TSPAN9: variants seen among roughly 807,000 people sequenced by gnomAD.
TSPAN9 encodes the protein tetraspanin-9.
Under a neutral mutation model 31.0 loss-of-function variants are expected in TSPAN9, and 16 were observed. The ratio of observed to expected loss-of-function variants is 0.52; its 90% confidence interval spans 0.35 to 0.78. The LOEUF (loss-of-function observed/expected upper bound fraction) is 0.78. Among genes scored for constraint, TSPAN9 ranks in the 30% least tolerant of loss-of-function variants. The pLI, the probability that TSPAN9 is intolerant of heterozygous loss-of-function variation, is 0.01. For synonymous variants in TSPAN9, 145 were observed against 121.6 expected (o/e 1.19, Z -1.27); for missense variants, 272 against 312.5 (o/e 0.87, Z 0.98).
At chr12:3,203,050 T>G (rs2098372852) in intron 3 of TSPAN9, among the ~76,000 whole-genome samples, 1 of 152,190 alleles carries the variant, frequency 6.6e-6, no homozygotes, top group Non-Finnish European at 1.5e-5. Context: ...TAGTCTCAAC[T>G]TACCTTTTTG....
At chr12:3,205,156 C>CT (rs1353600713) in intron 3 of TSPAN9, among the ~76,000 whole-genome samples, 2 of 152,194 alleles carry the variant, frequency 1.3e-5, no homozygotes, top group Non-Finnish European at 2.9e-5. Flanking sequence ...GTAATTGCTA[C>CT]TTAGGATAAT....
intron 3 of TSPAN9, among the ~76,000 whole-genome samples, chr12:3,261,864 C>T (rs867532607): frequency 5.9e-5 from 9 of 152,200 alleles, no homozygotes; most frequent in African/African-American, 1.9e-4. Flanking sequence ...GGGCACCTGA[C>T]GCAGCCTTGC....
At chr12:3,228,971 C>T (rs1298814751) in intron 3 of TSPAN9, among the ~76,000 whole-genome samples, 2 of 152,192 alleles carry the variant, frequency 1.3e-5, no homozygotes, top group Non-Finnish European at 1.5e-5. Flanking sequence ...CCTCTGTATA[C>T]CTCCCTTTGC....
At chr12:3,245,256 C>G (rs1862099251) in intron 3 of TSPAN9, among the ~76,000 whole-genome samples, 1 of 152,216 alleles carries the variant, frequency 6.6e-6, no homozygotes, top group African/African-American at 2.4e-5. Context: ...GTGGAGCAGC[C>G]CTGGAAGGTG....
chr12:3,174,395 A>C (rs1222821666), intron 2 of TSPAN9, among the ~76,000 whole-genome samples: 1 of 152,122 alleles, frequency 6.6e-6, no homozygotes, highest in Non-Finnish European at 1.5e-5. Context: ...GAGAGTTTAC[A>C]GCTGATGATT....
intron 2 of TSPAN9, among the ~76,000 whole-genome samples, chr12:3,137,601 A>G (rs1173454935): frequency 2.0e-5 from 3 of 152,030 alleles, no homozygotes; most frequent in Non-Finnish European, 2.9e-5. Flanking sequence ...CAGATGGAGG[A>G]GGGCTCTATC....
chr12:3,184,185 T>C (rs1426419875), intron 2 of TSPAN9, among the ~76,000 whole-genome samples: 1 of 151,580 alleles, frequency 6.6e-6, no homozygotes. Flanking sequence ...AGTTCAGGAG[T>C]TCAGGAGTTT....
chr12:3,207,738 T>A (rs1480209099), intron 3 of TSPAN9, among the ~76,000 whole-genome samples: 1 of 152,030 alleles, frequency 6.6e-6, no homozygotes, highest in Non-Finnish European at 1.5e-5. Context: ...GCTAGCTCAC[T>A]GCGTCAGGAC....
At chr12:3,218,947 T>C (rs908913972) in intron 3 of TSPAN9, among the ~76,000 whole-genome samples, 1 of 152,092 alleles carries the variant, frequency 6.6e-6, no homozygotes, top group Non-Finnish European at 1.5e-5. Flanking sequence ...AAAACCATGG[T>C]GGACATGTCA....
intron 8 of TSPAN9, among the ~76,000 whole-genome samples, chr12:3,282,844 C>T (rs1862924004): frequency 6.6e-6 from 1 of 152,256 alleles, no homozygotes; most frequent in Non-Finnish European, 1.5e-5. Flanking sequence ...CGAGGCTGAG[C>T]CAGAGTTCAC....
intron 2 of TSPAN9, among the ~76,000 whole-genome samples, chr12:3,188,108 G>C (rs1055567013): frequency 1.3e-5 from 2 of 152,168 alleles, no homozygotes. Flanking sequence ...GGTGTGTGGG[G>C]GTGAAAGGTT....
At chr12:3,201,067 C>A in intron 2 of TSPAN9, 110 bp from the exon 3 acceptor site, 1 of 1,061,134 alleles carries the variant, frequency 9.4e-7, no homozygotes, top group Non-Finnish European at 1.4e-6. Flanking sequence ...CCGCGGGCTC[C>A]CGGGGCCAGA....
At chr12:3,282,991 G>T in intron 8 of TSPAN9, 54 bp from the exon 9 acceptor site, 1 of 1,588,642 alleles carries the variant, frequency 6.3e-7, no homozygotes. Flanking sequence ...CGGGGCTGAG[G>T]TCAGGTCCAG....
chr12:3,277,085 C>T (rs1020302158), intron 3 of TSPAN9, among the ~76,000 whole-genome samples: 1 of 152,286 alleles, frequency 6.6e-6, no homozygotes, highest in South Asian at 2.1e-4. Context: ...AAGCAGTGCC[C>T]GGAGCTGGCC....
intron 2 of TSPAN9, among the ~76,000 whole-genome samples, chr12:3,099,935 G>A (rs558182152): frequency 1.3e-4 from 20 of 149,092 alleles, no homozygotes; most frequent in South Asian, 1.3e-3. Flanking sequence ...TCTGCCTCCC[G>A]GGTTCATGCC....
chr12:3,218,943 A>G (rs1591684746), intron 3 of TSPAN9, among the ~76,000 whole-genome samples: 2 of 152,152 alleles, frequency 1.3e-5, no homozygotes, highest in Non-Finnish European at 2.9e-5. Context: ...GCAGAAAACC[A>G]TGGTGGACAT....
chr12:3,143,757 T>C lies in TSPAN9; in HGVS notation c.-17-57420T>C, dbSNP rs771303556. Among the ~76,000 whole-genome samples, 2 of 152,194 alleles carry C rather than the reference T, an allele frequency of 1.3e-5. No homozygotes were observed. The highest frequency in any genetic ancestry group is 6.5e-5 in the Admixed American group (1 of 15,282). On this transcript the variant is annotated intron_variant, in intron 2 of 8. Coordinates refer to ENST00000011898, the MANE Select transcript of TSPAN9 (RefSeq NM_006675.5). This position sits in a 1 kb window ranked among gnomAD's most constrained non-coding sequence, Gnocchi z 4.2. Reference sequence around the variant, plus strand: ...ACTTTCAGATGGGCTTCTGTGCCCTTTGGTGTATTCCTGTCTTTTCTGGAG... The same window carrying C: ...ACTTTCAGATGGGCTTCTGTGCCCTCTGGTGTATTCCTGTCTTTTCTGGAG...
chr12:3,248,981 C>T (rs558548230), intron 3 of TSPAN9, among the ~76,000 whole-genome samples: 75 of 152,332 alleles, frequency 4.9e-4, no homozygotes, highest in African/African-American at 6.7e-4. Context: ...CCGTCCCACC[C>T]GTTCCTGTGC....
rs747986348 is a variant in TSPAN9 at position 3,279,056 on chromosome 12, A to G, written c.320A>G (p.Tyr107Cys). 5.0e-6 allele frequency: 8 copies of G among 1,614,030 alleles called. No homozygotes were observed. Among genetic ancestry groups the G allele is most frequent in the Non-Finnish European group, 6.8e-6 (8 of 1,179,966 alleles). Residue 107 changes from tyrosine to cysteine, a missense_variant, in exon 5 of 9, where the codon TAC (tyrosine) becomes TGC (cysteine). By Grantham distance (194) the Tyr-to-Cys change is radical. Transcript: ENST00000011898. ...ATCTTACTCATCCTCTTCTTTGTCT[A>G]CATGGACAAGGTAAGCCTTACCAGA... ...ELILLILFFV[Y>C]MDKVNENAKK... is the part of the protein sequence containing the mutation.
Sources: allele counts gnomAD v4.1 joint callset (sites outside exome capture counted in the v4.1 genomes callset), GRCh38; gene constraint gnomAD v4.1.1; non-coding constraint Gnocchi (gnomAD v3.1); transcripts MANE v1.5; gene names NCBI Gene and HGNC (gene_info 2026-07-23, HGNC 2026-07-21).